TYK2: variants seen among roughly 807,000 people sequenced by gnomAD.
TYK2 encodes tyrosine kinase 2.
In TYK2, 65 loss-of-function variants were observed where a neutral mutation model predicts 130.9. The ratio of observed to expected loss-of-function variants is 0.50; its 90% CI spans 0.41 to 0.61. The LOEUF (loss-of-function observed/expected upper bound fraction) is 0.61. Among genes scored for constraint, TYK2 ranks in the 20% least tolerant of loss-of-function variants. The pLI, the probability that TYK2 is intolerant of heterozygous loss-of-function variation, is 0.00. For missense variants in TYK2, 1,378 were observed against 1,610.7 expected, an observed-to-expected ratio of 0.86 and a Z score of 2.47; for synonymous variants, 647 against 658.9, an observed-to-expected ratio of 0.98 and a Z score of 0.28.
chr19:10,367,905 G>GC, intron 5 of TYK2, 150 bp downstream of exon 5: 3 of 889,984 alleles, frequency 3.4e-6, no homozygotes, highest in East Asian at 2.7e-5. Flanking sequence ...GGGCGACAGA[G>GC]CAAGACTCCG....
Position 10,353,086 on chromosome 19 carries a change from G to T in TYK2, c.3040C>A (p.Leu1014Met). The change falls in exon 22 of 25, where the codon CTG becomes ATG. Residue 1014 changes from leucine (L) to methionine (M), a missense_variant. Coordinates refer to ENST00000525621, the MANE Select transcript of TYK2 (RefSeq NM_003331.5). The surrounding 1 kb of genome is among the most constrained non-coding windows in gnomAD (Gnocchi z 6.9). ...CGGTGGATGTAGTGCTGCGCGTGCA[G>T]ATAGGCCATGCCCTGGGGACGGGGC... ...AQQICEGMAY[L>M]HAQHYIHRDL... 1 of 1,545,572 alleles carries T rather than the reference G, an allele frequency of 6.5e-7. No homozygotes were observed. Among genetic ancestry groups the T allele is most frequent in the Non-Finnish European group, 8.8e-7 (1 of 1,142,390 alleles).
At position 10,362,360 on chromosome 19, in the gene TYK2, T is replaced by C. The variant is rs1321650863; in HGVS notation, c.1573A>G (p.Ser525Gly). 6.2e-7 allele frequency: 1 copy of C among 1,613,982 alleles called. No homozygotes were observed. The highest frequency in any genetic ancestry group is 8.5e-7 in the Non-Finnish European group (1 of 1,180,008). Residue 525 changes from serine (S) to glycine (G), a missense_variant, in exon 11 of 25, where the codon AGC (serine) becomes GGC (glycine). Ser to Gly is a moderately conservative substitution (Grantham distance 56). Coordinates refer to ENST00000525621, the MANE Select transcript of TYK2 (RefSeq NM_003331.5). Reference sequence around the variant, plus strand: ...AAGGCAGCCCCAAGTTCCCGAACGCTGGGGAAGGACCGGCCCCAGCCCTCC... The same window carrying C: ...AAGGCAGCCCCAAGTTCCCGAACGCCGGGGAAGGACCGGCCCCAGCCCTCC... The part of the protein sequence containing the change: ...VLEGWGRSFP[S>G]VRELGAALQG...
At position 10,354,598 on chromosome 19, in the gene TYK2, C is replaced by G. The variant is rs146540753; in HGVS notation, c.2629G>C (p.Val877Leu). Reference protein sequence around the residue: ...TRLQPHNLADVLTVNPDSPAS... With the variant: ...TRLQPHNLADLLTVNPDSPAS... ...GGTGAGTCCGGGTTCACAGTCAAGA[C>G]GTCAGCAAGATCTGGAAGAGTTGCG... Residue 877 changes from valine to leucine, a missense_variant, in exon 19 of 25, where the codon GTC becomes CTC. By Grantham distance (32) the Val-to-Leu change is conservative. Coordinates refer to ENST00000525621, the MANE Select transcript of TYK2 (RefSeq NM_003331.5). 1 of 1,613,946 alleles carries G rather than the reference C, an allele frequency of 6.2e-7. No individual in the cohort carries two copies. Among genetic ancestry groups the G allele is most frequent in the South Asian group, 1.1e-5 (1 of 91,088 alleles).
Position 10,353,655 on chromosome 19 carries a change from G to A in TYK2, c.2909-9C>T. 1 of 1,471,408 alleles carries A rather than the reference G, an allele frequency of 6.8e-7. No individual in the cohort carries two copies. Among genetic ancestry groups the A allele is most frequent in the Non-Finnish European group, 9.0e-7 (1 of 1,110,922 alleles). 91.1% of individuals were successfully genotyped at this position (1,471,408 alleles called of 1,614,324 possible). On this transcript the variant is annotated splice_polypyrimidine_tract_variant and intron_variant, in intron 20 of 24. Coordinates refer to ENST00000525621, the MANE Select transcript of TYK2 (RefSeq NM_003331.5). This position sits in a 1 kb window ranked among gnomAD's most constrained non-coding sequence, Gnocchi z 6.9. ...CTGCAGCGACTTCTCGCCTGCCGCG[G>A]AGAGGGGCGGCCCCGGTGGGGGACG...
intron 3 of TYK2, among the ~76,000 whole-genome samples, chr19:10,377,892 G>GCGT (rs2042220338): frequency 1.2e-5 from 1 of 81,900 alleles, no homozygotes; most frequent in African/African-American, 5.8e-5. Context: ...GTGGATGGAT[G>GCGT]GGTGGGTGGG....
Position 10,350,656 on chromosome 19 carries a change from C to T in TYK2, c.*178G>A. ...TGGGTCCCTCAAGATCATGGTTAGG[C>T]TCACGGCCAAGAAAGAAAAATAAGT... On this transcript the variant is annotated 3_prime_UTR_variant, in exon 25 of 25. Coordinates refer to ENST00000525621, the MANE Select transcript of TYK2 (RefSeq NM_003331.5). The T allele has an allele frequency of 1.4e-6, 1 of 711,232 alleles. No homozygotes were observed. 44.1% of individuals were successfully genotyped at this position (711,232 alleles called of 1,614,324 possible).
At chr19:10,366,363 T>A in intron 6 of TYK2, 54 bp downstream of exon 6, 1 of 1,566,398 alleles carries the variant, frequency 6.4e-7, no homozygotes, top group South Asian at 1.2e-5. Flanking sequence ...GGCTCCCAGA[T>A]GCTCAGGACA....
Position 10,368,023 on chromosome 19 carries a change from A to C in TYK2, c.465+32T>G, listed in dbSNP as rs756429380. 12 of 1,613,686 alleles carry C rather than the reference A, an allele frequency of 7.4e-6. 1 individual carries two copies. In the South Asian group the frequency reaches 1.3e-4, roughly 18 times the overall value. Reference sequence around the variant, plus strand: ...CCTCAACTGCCCCTAAGTCTCCCACAAATAGTCTTGCCACCCCAGCCCTGC... The same window carrying C: ...CCTCAACTGCCCCTAAGTCTCCCACCAATAGTCTTGCCACCCCAGCCCTGC... On this transcript the variant is annotated intron_variant, in intron 5 of 24. Coordinates refer to ENST00000525621, the MANE Select transcript of TYK2 (RefSeq NM_003331.5).
At chr19:10,377,516 G>GTGGGTGGGTGGATGGATGAATGGATGGA (rs2042175875) in intron 3 of TYK2, among the ~76,000 whole-genome samples, 1 of 77,980 alleles carries the variant, frequency 1.3e-5, no homozygotes, top group Non-Finnish European at 2.5e-5. Context: ...GAGTGGGTGA[G>GTGGGTGGGTGGATGGATGAATGGATGGA]TGGGTGGGTG....
intron 18 of TYK2, among the ~76,000 whole-genome samples, chr19:10,356,104 C>G (rs1001007494): frequency 6.6e-6 from 1 of 152,016 alleles, no homozygotes; most frequent in Admixed American, 6.6e-5. Context: ...GGAGGCCAGG[C>G]GCAGTGGCTC....
intron 23 of TYK2, among the ~76,000 whole-genome samples, 196 bp downstream of exon 23, chr19:10,352,238 A>AT (rs544683679): frequency 2.0e-3 from 289 of 146,596 alleles, no homozygotes; most frequent in Non-Finnish European, 3.4e-3. Flanking sequence ...CGCCTGGCTA[A>AT]TTTTTTTTGT....
rs1279531096 is a variant in TYK2 at position 10,364,479 on chromosome 19, A to G, written c.1367+135T>C. 4 of 1,002,432 alleles carry G rather than the reference A, an allele frequency of 4.0e-6. No individual in the cohort carries two copies. Among genetic ancestry groups the G allele is most frequent in the East Asian group, 2.5e-5 (1 of 39,900 alleles). 62.1% of individuals were successfully genotyped at this position (1,002,432 alleles called of 1,614,324 possible). ...CAGTGAGCTGAGATCATGCCACTGCACTCCAGTTTGGGCGACAAAAAATAA... is the reference window on the plus strand; with the variant it reads ...CAGTGAGCTGAGATCATGCCACTGCGCTCCAGTTTGGGCGACAAAAAATAA... On this transcript the variant is annotated intron_variant, in intron 9 of 24. Coordinates refer to ENST00000525621, the MANE Select transcript of TYK2 (RefSeq NM_003331.5). The surrounding 1 kb of genome is among the most constrained non-coding windows in gnomAD (Gnocchi z 4.9).
rs753470142 is a variant in TYK2 at position 10,350,923 on chromosome 19, G to A, written c.3475C>T (p.Arg1159Cys). The change falls in exon 25 of 25, where the codon CGC (arginine) becomes TGC (cysteine). Residue 1159 changes from arginine to cysteine, a missense_variant. Transcript: ENST00000525621. ...KNCWETEASF[R>C]PTFENLIPIL... is the part of the protein sequence containing the mutation. ...GGTATGAGGTTCTCGAAGGTTGGGCGAAAGGACGCCTCTGTCTCCCAGCAG... is the reference window on the plus strand; with the variant it reads ...GGTATGAGGTTCTCGAAGGTTGGGCAAAAGGACGCCTCTGTCTCCCAGCAG... The A allele has an allele frequency of 5.6e-6, 9 of 1,614,106 alleles. No individual in the cohort carries two copies. The highest frequency in any genetic ancestry group is 5.5e-5 in the South Asian group (5 of 91,092).
At position 10,364,154 on chromosome 19, in the gene TYK2, C is replaced by T. The variant is rs1018486331; in HGVS notation, c.1367+460G>A. ...CAACATACGCCTGAATGGTCACCAG[C>T]GTCAGGGTAACACACAGTCCCATGA... On this transcript the variant is annotated intron_variant, in intron 9 of 24. Transcript: ENST00000525621. This position sits in a 1 kb window ranked among gnomAD's most constrained non-coding sequence, Gnocchi z 4.9. Among the ~76,000 whole-genome samples, 2 of 152,208 alleles carry T rather than the reference C, an allele frequency of 1.3e-5. No individual in the cohort carries two copies. Among genetic ancestry groups the T allele is most frequent in the African/African-American group, 4.8e-5 (2 of 41,454 alleles).
intron 5 of TYK2, among the ~76,000 whole-genome samples, 153 bp from the exon 6 acceptor site, chr19:10,366,733 TAA>T (rs750662938): frequency 1.8e-3 from 182 of 101,760 alleles, no homozygotes; most frequent in Middle Eastern, 0.011. Flanking sequence ...GCTGATGAGC[TAA>T]AAAAAAAAAA....
At position 10,361,796 on chromosome 19, in the gene TYK2, C is replaced by A; in HGVS notation, c.1933G>T (p.Asp645Tyr). The A allele has an allele frequency of 6.2e-7, 1 of 1,613,804 alleles. No homozygotes were observed. Among genetic ancestry groups the A allele is most frequent in the Non-Finnish European group, 8.5e-7 (1 of 1,179,968 alleles). Reference sequence around the variant, plus strand: ...AGGGCGATGTCATGGTGACTAGGGTCCAGCACTTTGAGCACCACTCGTAGC... The same window carrying A: ...AGGGCGATGTCATGGTGACTAGGGTACAGCACTTTGAGCACCACTCGTAGC... ...QELRVVLKVL[D>Y]PSHHDIALAF... The change falls in exon 13 of 25, where the codon GAC becomes TAC. Residue 645 changes from aspartate (D) to tyrosine (Y), a missense_variant. By Grantham distance (160) the Asp-to-Tyr change is radical (BLOSUM62 -3). Coordinates refer to ENST00000525621, the MANE Select transcript of TYK2 (RefSeq NM_003331.5). This position sits in a 1 kb window ranked among gnomAD's most constrained non-coding sequence, Gnocchi z 4.0.
chr19:10,377,367 G>GATGC (rs1474517772), intron 3 of TYK2, among the ~76,000 whole-genome samples: 1 of 144,490 alleles, frequency 6.9e-6, no homozygotes, highest in African/African-American at 2.7e-5. Flanking sequence ...TGGATGGATG[G>GATGC]ATGGATAGAT....
chr19:10,377,403 G>GATGC (rs1438126380), intron 3 of TYK2, among the ~76,000 whole-genome samples: 3 of 132,656 alleles, frequency 2.3e-5, no homozygotes, highest in African/African-American at 9.0e-5. Context: ...TGGGTGGGTG[G>GATGC]ATGGATGGAT....
chr19:10,366,459 A>T lies in TYK2; in HGVS notation c.587T>A (p.Leu196His). Residue 196 changes from leucine to histidine, a missense_variant, in exon 6 of 25, where the codon CTC becomes CAC. Physicochemically the swap from Leu to His is moderately conservative, Grantham distance 99. Coordinates refer to ENST00000525621, the MANE Select transcript of TYK2 (RefSeq NM_003331.5). ...MAFLHLCHLA[L>H]RHGIPLEEVA... ...CTCCTCCAGGGGGATGCCATGGCGG[A>T]GAGCGAGGTGACAGAGGTGCAGAAA... 6.2e-7 allele frequency: 1 copy of T among 1,614,074 alleles called. No individual in the cohort carries two copies. The highest frequency in any genetic ancestry group is 2.2e-5 in the East Asian group (1 of 44,878).
Sources: gnomAD v4.1 joint callset for allele counts (sites outside exome capture counted in the v4.1 genomes callset) on GRCh38, gnomAD v4.1.1 for gene constraint, Gnocchi (gnomAD v3.1) non-coding constraint, MANE v1.5 for transcripts, NCBI Gene and HGNC (gene_info 2026-07-23, HGNC 2026-07-21) for gene names.